RGSL1: variants seen among roughly 807,000 people sequenced by gnomAD.
RGSL1 encodes regulator of G protein signaling like 1.
Under a neutral mutation model 124.7 loss-of-function variants are expected in RGSL1, and 97 were observed. The ratio of observed to expected loss-of-function variants is 0.78; its 90% CI spans 0.66 to 0.92. The LOEUF (loss-of-function observed/expected upper bound fraction) is 0.92. Among genes scored for constraint, RGSL1 ranks in the 40% least tolerant of loss-of-function variants. RGSL1 has a pLI of 0.00. For synonymous variants in RGSL1, 424 were observed against 438.1 expected (o/e 0.97, Z 0.40); for missense variants, 1,233 against 1,288.4 (o/e 0.96, Z 0.66).
intron 19 of RGSL1, 34 bp downstream of exon 19, chr1:182,553,575 C>T: frequency 6.5e-7 from 1 of 1,531,544 alleles, no homozygotes; most frequent in South Asian, 1.2e-5. Flanking sequence ...TGATAGTTTG[C>T]TACTCAATCA....
At chr1:182,542,711 CAATT>C (rs1659970629) in intron 15 of RGSL1, among the ~76,000 whole-genome samples, 1 of 152,074 alleles carries the variant, frequency 6.6e-6, no homozygotes, top group South Asian at 2.1e-4. Flanking sequence ...GAATATACTT[CAATT>C]GTGTGTGTCT....
Position 182,474,503 on chromosome 1 carries a change from GATCC to G in RGSL1, c.1393_1396del (p.Ile465ProfsTer22), listed in dbSNP as rs544338250. On this transcript the variant is annotated frameshift_variant, in exon 6 of 22. Coordinates refer to ENST00000294854, the MANE Select transcript of RGSL1 (RefSeq NM_001137669.2). LOFTEE classifies it high-confidence loss of function. ...AGGAACTATTGCCCTCTGGGGATGT[GATCC>G]CCTGGATTCCCAAAGCCCAGAAGGA... 773 of 1,548,918 alleles carry G rather than the reference GATCC, an allele frequency of 5.0e-4. No individual in the cohort carries two copies. Among genetic ancestry groups the G allele is most frequent in the Non-Finnish European group, 6.5e-4 (749 of 1,144,960 alleles).
rs146559664 is a variant in RGSL1, at chr1:182,552,287, G to A, written c.3043+1078G>A. 2.0e-3 allele frequency among the ~76,000 whole-genome samples: 301 copies of A among 152,000 alleles called. 1 individual carries two copies. The highest frequency in any genetic ancestry group is 6.8e-3 in the African/African-American group (281 of 41,458). ...TGCCACTGCGCCCAGCTAATTTTTC[G>A]TATTTTTAGTAGAGACGGGGGTTTC... On this transcript the variant is annotated intron_variant, in intron 18 of 21. Transcript: ENST00000294854.
At chr1:182,469,556 C>T (rs1393559182) in intron 4 of RGSL1, among the ~76,000 whole-genome samples, 2 of 151,966 alleles carry the variant, frequency 1.3e-5, no homozygotes, top group African/African-American at 4.8e-5. Context: ...CATTTGTTGG[C>T]GGGACTGTAA....
rs2102040931 is a variant in RGSL1 at position 182,474,111 on chromosome 1, T to C, written c.1000T>C (p.Phe334Leu). 6.4e-7 allele frequency: 1 copy of C among 1,551,908 alleles called. No homozygotes were observed. The highest frequency in any genetic ancestry group is 1.4e-5 in the African/African-American group (1 of 73,180). ...GAGCCACCTCCACATGGAAGCCCCC[T>C]TTGAGACAAAGGTCTCTACCCACCT... is the stretch of plus-strand genomic sequence containing the variant. ...AKSHLHMEAPFETKVSTHLRT... is the reference protein window; with the variant it reads ...AKSHLHMEAPLETKVSTHLRT... Residue 334 changes from phenylalanine (F) to leucine (L), a missense_variant, in exon 6 of 22, where the codon TTT (phenylalanine) becomes CTT (leucine). By Grantham distance (22) the Phe-to-Leu change is conservative. Transcript: ENST00000294854.
At chr1:182,448,198 ATTTGTTTG>A (rs3030969), upstream of RGSL1, 41,542 of 149,650 alleles carry the variant, frequency 0.28, 5,789 homozygotes, top group East Asian at 0.35. Context: ...AAACCAATTT[ATTTGTTTG>A]TTTGTTTGTT....
chr1:182,503,241 T>TG (rs1656536400), intron 9 of RGSL1, among the ~76,000 whole-genome samples: 2 of 152,132 alleles, frequency 1.3e-5, no homozygotes, highest in Non-Finnish European at 2.9e-5. Flanking sequence ...AGCCAAGATT[T>TG]GGAAGCAACC....
chr1:182,500,230 G>A lies in RGSL1; in HGVS notation c.1825+7101G>A, dbSNP rs529621069. Among the ~76,000 whole-genome samples, 7 of 152,228 alleles carry A rather than the reference G, an allele frequency of 4.6e-5. No individual in the cohort carries two copies. In the South Asian group the frequency reaches 1.4e-3, roughly 32 times the overall value. On this transcript the variant is annotated intron_variant, in intron 9 of 21. Transcript: ENST00000294854. ...AGTTTAACTTCATTCTTTTGTGGTT[G>A]AATAGCCAACTGATCCAGCACCATT...
chr1:182,457,364 T>C (rs1245148427), intron 2 of RGSL1, among the ~76,000 whole-genome samples: 2 of 152,104 alleles, frequency 1.3e-5, no homozygotes, highest in Non-Finnish European at 2.9e-5. Flanking sequence ...TGCCACTCCT[T>C]AAAGGTAGCT....
At chr1:182,485,238 G>A (rs114651495) in intron 6 of RGSL1, among the ~76,000 whole-genome samples, 1,994 of 152,300 alleles carry the variant, frequency 0.013, 16 homozygotes, top group Non-Finnish European at 0.022. Flanking sequence ...CGGGGAGTGG[G>A]TGGTGGAGGC....
At chr1:182,466,558 T>C (rs1653346633) in intron 4 of RGSL1, among the ~76,000 whole-genome samples, 1 of 152,016 alleles carries the variant, frequency 6.6e-6, no homozygotes, top group Non-Finnish European at 1.5e-5. Context: ...GAAAGGAAAA[T>C]TATGTGAACA....
At position 182,522,030 on chromosome 1, in the gene RGSL1, A is replaced by T. The variant is rs1271937291; in HGVS notation, c.1852A>T (p.Thr618Ser). 1 of 1,547,286 alleles carries T rather than the reference A, an allele frequency of 6.5e-7. No individual in the cohort carries two copies. Among genetic ancestry groups the T allele is most frequent in the African/African-American group, 1.4e-5 (1 of 72,840 alleles). ...IDFKMEIIKE[T>S]KTVSRSNRKM... is the part of the protein sequence containing the mutation. ...TTTTAAAATGGAAATTATCAAGGAA[A>T]CAAAGACAGTTTCACGCTCAAATAG... Residue 618 changes from threonine to serine, a missense_variant, in exon 10 of 22, where the codon ACA (threonine) becomes TCA (serine). Coordinates refer to ENST00000294854, the MANE Select transcript of RGSL1 (RefSeq NM_001137669.2).
intron 18 of RGSL1, among the ~76,000 whole-genome samples, chr1:182,551,665 T>C (rs1660573488): frequency 6.6e-6 from 1 of 152,124 alleles, no homozygotes; most frequent in Non-Finnish European, 1.5e-5. Context: ...CATATATATG[T>C]AAAACAGATA....
At chr1:182,501,070 G>A (rs766319452) in intron 9 of RGSL1, among the ~76,000 whole-genome samples, 30 of 152,100 alleles carry the variant, frequency 2.0e-4, no homozygotes, top group Non-Finnish European at 1.3e-4. Flanking sequence ...TCTTCTTCCT[G>A]AGCTGAGGGG....
chr1:182,488,446 T>A, intron 7 of RGSL1, 99 bp downstream of exon 7: 1 of 1,196,048 alleles, frequency 8.4e-7, no homozygotes, highest in Non-Finnish European at 1.2e-6. Flanking sequence ...TAAATGAAAT[T>A]GTTATTTTTC....
Position 182,522,023 on chromosome 1 carries a change from C to T in RGSL1, c.1845C>T (p.Ile615=). 6.5e-7 allele frequency: 1 copy of T among 1,541,722 alleles called. No homozygotes were observed. Among genetic ancestry groups the T allele is most frequent in the Non-Finnish European group, 8.7e-7 (1 of 1,143,274 alleles). ...TTTTAGATTTTAAAATGGAAATTATCAAGGAAACAAAGACAGTTTCACGCT... is the reference window on the plus strand; with the variant it reads ...TTTTAGATTTTAAAATGGAAATTATTAAGGAAACAAAGACAGTTTCACGCT... The part of the protein sequence containing the change: ...APKIDFKMEI[I]KETKTVSRSN... The change falls in exon 10 of 22, where the codon ATC becomes ATT. Residue 615 remains isoleucine (I), a synonymous_variant. Transcript: ENST00000294854.
Position 182,556,082 on chromosome 1 carries a change from A to G in RGSL1, c.*25A>G, listed in dbSNP as rs1423216009. 1 of 1,548,356 alleles carries G rather than the reference A, an allele frequency of 6.5e-7. No individual in the cohort carries two copies. The highest frequency in any genetic ancestry group is 1.2e-5 in the South Asian group (1 of 83,914). On this transcript the variant is annotated 3_prime_UTR_variant, in exon 21 of 22. Transcript: ENST00000294854. ...ATCAAGCGAGACCCCCAGCAGAGAT[A>G]AATCATCTCTTAGAGGCCTCCTAAC...
At chr1:182,530,195 G>C in intron 11 of RGSL1, 49 bp from the exon 12 acceptor site, 8 of 1,383,122 alleles carry the variant, frequency 5.8e-6, no homozygotes, top group Non-Finnish European at 7.9e-6. Context: ...AGCTATCTCA[G>C]AAATGGTAGA....
At chr1:182,492,895 C>T (rs1322757030) in intron 8 of RGSL1, 127 bp from the exon 9 acceptor site, 3 of 677,594 alleles carry the variant, frequency 4.4e-6, no homozygotes, top group Non-Finnish European at 8.0e-6. Context: ...TCCCAAAGTG[C>T]TGGGATTACA....
Sources: allele counts gnomAD v4.1 joint callset (sites outside exome capture counted in the v4.1 genomes callset), GRCh38; gene constraint gnomAD v4.1.1; transcripts MANE v1.5; gene names NCBI Gene and HGNC (gene_info 2026-07-23, HGNC 2026-07-21).